SGCG: variants seen among roughly 807,000 people sequenced by gnomAD.
SGCG encodes gamma-sarcoglycan.
SGCG carries 26 observed loss-of-function variants against 29.3 expected under a neutral mutation model. That is an observed-to-expected ratio of 0.89 (90% CI 0.65 to 1.23). The LOEUF is 1.23. Among genes scored for constraint, SGCG ranks in the 50% most tolerant of loss-of-function variants. SGCG has a pLI of 0.00. For missense variants in SGCG, 353 were observed against 356.0 expected, an observed-to-expected ratio of 0.99 and a Z score of 0.07; for synonymous variants, 145 against 129.7, an observed-to-expected ratio of 1.12 and a Z score of -0.80.
chr13:23,174,429 G>C, the SGCG span, among the ~76,000 whole-genome samples: 61 of 152,300 alleles, frequency 4.0e-4, no homozygotes, highest in East Asian at 6.9e-3. Context: ...TTAGTCACAC[G>C]AGAAAGTCAT....
At chr13:23,267,320 A>T (rs775512205) in intron 4 of SGCG, among the ~76,000 whole-genome samples, 1 of 152,210 alleles carries the variant, frequency 6.6e-6, no homozygotes, top group Non-Finnish European at 1.5e-5. Context: ...AGGAGTGTCT[A>T]CAGGAGCATG....
At chr13:23,167,878 C>T in the SGCG span, among the ~76,000 whole-genome samples, 6 of 152,088 alleles carry the variant, frequency 3.9e-5, no homozygotes, top group African/African-American at 4.8e-5. Flanking sequence ...ATTACAGGCG[C>T]GTGCCATCAC....
At chr13:23,255,731 T>G (rs1300785249) in intron 4 of SGCG, among the ~76,000 whole-genome samples, 1 of 152,160 alleles carries the variant, frequency 6.6e-6, no homozygotes, top group Middle Eastern at 3.4e-3. Context: ...GTTTTAAGGG[T>G]TTTTTTCCAA....
Position 23,314,189 on chromosome 13 carries a change from T to TAG in SGCG, c.579-6431_579-6430dup, listed in dbSNP as rs200533752. Among the ~76,000 whole-genome samples the TAG allele has an allele frequency of 1.7e-3, 174 of 104,774 alleles. 2 individuals are homozygous for TAG. The highest frequency in any genetic ancestry group is 8.8e-4 in the Non-Finnish European group (37 of 41,858). 68.7% of individuals were successfully genotyped at this position (104,774 alleles called of 152,430 possible). On this transcript the variant is annotated intron_variant, in intron 6 of 7. Coordinates refer to ENST00000218867, the MANE Select transcript of SGCG (RefSeq NM_000231.3). ...GAGTTTTGAACAGTATATATATATA[T>TAG]AGAGAGAGAGAGAGAGAGTTTTGAA... is the stretch of plus-strand genomic sequence containing the variant.
At chr13:23,283,350 T>C (rs1369585210) in intron 5 of SGCG, among the ~76,000 whole-genome samples, 3 of 152,236 alleles carry the variant, frequency 2.0e-5, no homozygotes, top group Non-Finnish European at 4.4e-5. Flanking sequence ...CTTGTTGAAT[T>C]GATTCCTTTA....
the SGCG span, among the ~76,000 whole-genome samples, chr13:23,161,955 A>G: frequency 7.2e-5 from 11 of 152,374 alleles, no homozygotes; most frequent in Admixed American, 2.6e-4. Context: ...TACTCTGTCA[A>G]TCTTTCTTAA....
rs147820869 is a variant in SGCG at position 23,324,497 on chromosome 13, G to C, written c.832G>C (p.Gly278Arg). The C allele has an allele frequency of 1.2e-6, 2 of 1,613,300 alleles. No individual in the cohort carries two copies. The highest frequency in any genetic ancestry group is 1.7e-6 in the Non-Finnish European group (2 of 1,180,010). The change falls in exon 8 of 8, where the codon GGT becomes CGT. Residue 278 changes from glycine (G) to arginine (R), a missense_variant. Transcript: ENST00000218867. Reference protein sequence around the residue: ...PDGKLYLSVAGVSTTCQEHNH... With the variant: ...PDGKLYLSVARVSTTCQEHNH... ...TGGGAAGCTGTACCTGTCTGTGGCCGGTGTGAGCACCACGTGCCAGGAGCA... is the reference window on the plus strand; with the variant it reads ...TGGGAAGCTGTACCTGTCTGTGGCCCGTGTGAGCACCACGTGCCAGGAGCA...
intron 5 of SGCG, among the ~76,000 whole-genome samples, chr13:23,282,217 A>G (rs1272661252): frequency 6.6e-6 from 1 of 152,216 alleles, no homozygotes; most frequent in Non-Finnish European, 1.5e-5. Flanking sequence ...TTGTGATTAA[A>G]GAAACCAAGA....
At chr13:23,257,628 A>G (rs907427413) in intron 4 of SGCG, among the ~76,000 whole-genome samples, 7 of 151,900 alleles carry the variant, frequency 4.6e-5, no homozygotes, top group African/African-American at 1.4e-4. Flanking sequence ...GCCCATGCCT[A>G]TGTCCTGAAT....
At chr13:23,239,232 A>G (rs965953928) in intron 3 of SGCG, among the ~76,000 whole-genome samples, 20 of 152,146 alleles carry the variant, frequency 1.3e-4, no homozygotes, top group Non-Finnish European at 2.4e-4. Flanking sequence ...TAGCTAGAGA[A>G]AAAGGATATA....
intron 6 of SGCG, among the ~76,000 whole-genome samples, chr13:23,301,955 A>G (rs1882176634): frequency 6.6e-6 from 1 of 152,158 alleles, no homozygotes; most frequent in Non-Finnish European, 1.5e-5. Flanking sequence ...GGAAATATTT[A>G]CCAAGTCAGT....
chr13:23,324,557 T>C lies in SGCG; in HGVS notation c.*16T>C, dbSNP rs772968140. On this transcript the variant is annotated 3_prime_UTR_variant, in exon 8 of 8. Transcript: ENST00000218867. ...CTGCCTCTGAGCTGCCTGCGTCCTC[T>C]CGGTGAGCTGTGCAGTGCCGGCCCC... 6 of 1,605,924 alleles carry C rather than the reference T, an allele frequency of 3.7e-6. No homozygotes were observed. In the South Asian group the frequency reaches 4.4e-5, roughly 12 times the overall value.
intron 1 of SGCG, among the ~76,000 whole-genome samples, chr13:23,199,107 C>A (rs1048853787): frequency 2.1e-3 from 287 of 137,424 alleles, no homozygotes; most frequent in African/African-American, 2.9e-3. Flanking sequence ...GACTCCGTCT[C>A]AAAAAAAAAA....
chr13:23,215,475 G>A (rs369696328), intron 2 of SGCG, among the ~76,000 whole-genome samples: 10 of 152,086 alleles, frequency 6.6e-5, no homozygotes, highest in African/African-American at 2.2e-4. Context: ...TAAGGGTCTC[G>A]GTTTTAATTA....
chr13:23,269,018 TAAAG>T (rs1880755750), intron 4 of SGCG: 1 of 151,672 alleles, frequency 6.6e-6, no homozygotes, highest in Non-Finnish European at 1.5e-5. Flanking sequence ...GTGCCCCAAA[TAAAG>T]AGAAGAAAAC....
chr13:23,320,597 C>CTG (rs1882993991), intron 6 of SGCG, 40 bp from the exon 7 acceptor site: 2 of 1,321,598 alleles, frequency 1.5e-6, no homozygotes, highest in Non-Finnish European at 2.1e-6. Context: ...ATTTTTAATA[C>CTG]TTTTTTTTTT....
intron 4 of SGCG, among the ~76,000 whole-genome samples, chr13:23,277,320 G>A (rs1290845779): frequency 1.3e-5 from 2 of 151,810 alleles, no homozygotes; most frequent in East Asian, 1.9e-4. Context: ...TAAATACATA[G>A]GCATATCAGT....
chr13:23,261,260 T>C (rs1284358512), intron 4 of SGCG, among the ~76,000 whole-genome samples: 1 of 151,460 alleles, frequency 6.6e-6, no homozygotes, highest in African/African-American at 2.4e-5. Flanking sequence ...TTTTTTTTAA[T>C]TTCAGTTATG....
chr13:23,205,315 G>C lies in SGCG; in HGVS notation c.195+1426G>C, dbSNP rs148457382. On this transcript the variant is annotated intron_variant, in intron 2 of 7. Transcript: ENST00000218867. The stretch of plus-strand genomic sequence containing the variant: ...AAAATACTCTAACATTTTTTGGAGA[G>C]TGAAGCAGTGTTAAAGTCCTCAAAT... Among the ~76,000 whole-genome samples the C allele has an allele frequency of 3.3e-3, 507 of 152,230 alleles. 2 individuals are homozygous for C. Among genetic ancestry groups the C allele is most frequent in the African/African-American group, 0.012 (478 of 41,526 alleles).
Sources: gnomAD v4.1 joint callset for allele counts (sites outside exome capture counted in the v4.1 genomes callset) on GRCh38, gnomAD v4.1.1 for gene constraint, MANE v1.5 for transcripts, NCBI Gene and HGNC (gene_info 2026-07-23, HGNC 2026-07-21) for gene names.